FAM241A: variants seen among roughly 807,000 people sequenced by gnomAD.
The protein encoded by FAM241A is uncharacterized protein FAM241A.
Under a neutral mutation model 12.2 loss-of-function variants are expected in FAM241A, and 7 were observed. The ratio of observed to expected loss-of-function variants is 0.58; its 90% confidence interval spans 0.33 to 1.08. The LOEUF (loss-of-function observed/expected upper bound fraction) is 1.08, where lower values mean the gene tolerates loss of function less well. Among genes scored for constraint, FAM241A ranks in the 50% least tolerant of loss-of-function variants. The pLI is 0.04. For missense variants in FAM241A, 161 were observed against 169.7 expected (o/e 0.95, Z 0.29); for synonymous variants, 74 against 68.2 (o/e 1.08, Z -0.42).
intron 1 of FAM241A, among the ~76,000 whole-genome samples, chr4:112,163,922 T>C (rs1723535992): frequency 6.6e-6 from 1 of 152,248 alleles, no homozygotes. Flanking sequence ...CACCATGGAA[T>C]ACTATGCAGC....
rs565350827 is a variant in FAM241A, at chr4:112,159,192, G to T, written c.153+13459G>T. Among the ~76,000 whole-genome samples, 18 of 152,186 alleles carry T rather than the reference G, an allele frequency of 1.2e-4. 1 individual carries two copies. Among genetic ancestry groups the T allele is most frequent in the Admixed American group, 5.9e-4 (9 of 15,278 alleles). ...AATTACCTACTTGGCTGTGCCCCTC[G>T]GTTTGCTTTGACTCTTTAGTAGAGT... On this transcript the variant is annotated intron_variant, in intron 1 of 1. Transcript: ENST00000309733.
chr4:112,172,531 G>T (rs1723745402), intron 1 of FAM241A, among the ~76,000 whole-genome samples: 2 of 152,246 alleles, frequency 1.3e-5, no homozygotes, highest in African/African-American at 4.8e-5. Flanking sequence ...GCATTAGTGG[G>T]TTTTTTGCCA....
chr4:112,164,838 C>A (rs944816812), intron 1 of FAM241A, among the ~76,000 whole-genome samples: 5 of 152,178 alleles, frequency 3.3e-5, no homozygotes, highest in Non-Finnish European at 7.4e-5. Context: ...AGGCCAGGTG[C>A]CGTGGCTCAC....
rs1261324067 is a variant in FAM241A at position 112,189,897 on chromosome 4, CACCCT to C, written c.*2961_*2965del. ...GCCAGCTGTTAAACATACATCAGCA[CACCCT>C]AGAGGCCACATTCCCATTTCTATTC... On this transcript the variant is annotated 3_prime_UTR_variant, in exon 2 of 2. Transcript: ENST00000309733. The C allele has an allele frequency of 1.3e-5, 2 of 150,700 alleles. No individual in the cohort carries two copies. Among genetic ancestry groups the C allele is most frequent in the Admixed American group, 1.3e-4 (2 of 15,138 alleles). 9.3% of individuals were successfully genotyped at this position (150,700 alleles called of 1,614,324 possible). A position where few individuals can be genotyped will look rare whatever the true frequency, so the allele number is the denominator to read the frequency against.
At chr4:112,168,327 C>T (rs915277063) in intron 1 of FAM241A, among the ~76,000 whole-genome samples, 17 of 152,106 alleles carry the variant, frequency 1.1e-4, no homozygotes, top group African/African-American at 3.1e-4. Context: ...TTTTTCCCTA[C>T]TTAGTCCAAA....
At chr4:112,171,293 C>G in intron 1 of FAM241A, 3 of 754,404 alleles carry the variant, frequency 4.0e-6, no homozygotes, top group African/African-American at 1.7e-5. Context: ...TGACACAGTA[C>G]AAGAAGGGCA....
At position 112,145,514 on chromosome 4, in the gene FAM241A, G is replaced by A; in HGVS notation, c.-67G>A. 2 of 1,196,254 alleles carry A rather than the reference G, an allele frequency of 1.7e-6. No homozygotes were observed. The highest frequency in any genetic ancestry group is 2.1e-6 in the Non-Finnish European group (2 of 962,366). 74.1% of individuals were successfully genotyped at this position (1,196,254 alleles called of 1,614,324 possible). On this transcript the variant is annotated 5_prime_UTR_variant, in exon 1 of 2. Transcript: ENST00000309733. ...ATCCCAGGGCAGCCTTCGGGCGGCG[G>A]CGCTGCCTGGTGCGTCGCGGCGTGG...
At chr4:112,151,161 T>A (rs1355958293) in intron 1 of FAM241A, among the ~76,000 whole-genome samples, 2 of 152,148 alleles carry the variant, frequency 1.3e-5, no homozygotes, top group Non-Finnish European at 2.9e-5. Flanking sequence ...GGCTTAGTGC[T>A]ATGCCTTTGG....
At chr4:112,184,476 C>T (rs1209596064) in intron 1 of FAM241A, among the ~76,000 whole-genome samples, 2 of 151,882 alleles carry the variant, frequency 1.3e-5, no homozygotes, top group Non-Finnish European at 2.9e-5. Flanking sequence ...TGCAGTGAGC[C>T]GAGATTGTGC....
chr4:112,187,115 G>T lies in FAM241A; in HGVS notation c.*177G>T. On this transcript the variant is annotated 3_prime_UTR_variant, in exon 2 of 2. Coordinates refer to ENST00000309733, the MANE Select transcript of FAM241A (RefSeq NM_152400.3). ...AAAACTAAACTCTTGATCATAACAG[G>T]GTTGAATATATATTTTGAATATACA... 2 of 644,518 alleles carry T rather than the reference G, an allele frequency of 3.1e-6. No individual in the cohort carries two copies. The highest frequency in any genetic ancestry group is 5.3e-6 in the Non-Finnish European group (2 of 378,788). 39.9% of individuals were successfully genotyped at this position (644,518 alleles called of 1,614,324 possible).
At chr4:112,176,265 A>G (rs1425319264) in intron 1 of FAM241A, among the ~76,000 whole-genome samples, 3 of 152,242 alleles carry the variant, frequency 2.0e-5, no homozygotes, top group South Asian at 4.1e-4. Flanking sequence ...GCAGCATGGT[A>G]CAATAGAGAA....
At chr4:112,178,403 C>T (rs1348291894) in intron 1 of FAM241A, among the ~76,000 whole-genome samples, 2 of 152,152 alleles carry the variant, frequency 1.3e-5, no homozygotes, top group Non-Finnish European at 1.5e-5. Flanking sequence ...GATCCAGTTT[C>T]ATTCTTCTGC....
Position 112,189,544 on chromosome 4 carries a change from G to GA in FAM241A, c.*2606_*2607insA, listed in dbSNP as rs1724121959. ...ATGGCCAGTAATTCAAAAGAAAAAGGTCGAAGTCTACAAATAAACAGACTG... is the reference window on the plus strand; with the variant it reads ...ATGGCCAGTAATTCAAAAGAAAAAGGATCGAAGTCTACAAATAAACAGACTG... On this transcript the variant is annotated 3_prime_UTR_variant, in exon 2 of 2. Coordinates refer to ENST00000309733, the MANE Select transcript of FAM241A (RefSeq NM_152400.3). 1 of 152,070 alleles carries GA rather than the reference G, an allele frequency of 6.6e-6. No individual in the cohort carries two copies. Among genetic ancestry groups the GA allele is most frequent in the Non-Finnish European group, 1.5e-5 (1 of 68,010 alleles). The allele number at this position is 152,070 out of a possible 1,614,324, so 9.4% of individuals were successfully genotyped here.
chr4:112,152,980 T>C (rs1040250661), intron 1 of FAM241A, among the ~76,000 whole-genome samples: 1 of 152,198 alleles, frequency 6.6e-6, no homozygotes, highest in Non-Finnish European at 1.5e-5. Flanking sequence ...TCCCTCACCT[T>C]TTCTATTTTT....
At position 112,186,915 on chromosome 4, in the gene FAM241A, G is replaced by C; in HGVS notation, c.376G>C (p.Val126Leu). The part of the protein sequence containing the change: ...ALGLVAVLCL[V>L]IIYVQQ Reference sequence around the variant, plus strand: ...TGGACTAGTTGCTGTTCTTTGCCTTGTTATTATTTATGTGCAACAGTAAAA... The same window carrying C: ...TGGACTAGTTGCTGTTCTTTGCCTTCTTATTATTTATGTGCAACAGTAAAA... The change falls in exon 2 of 2, where the codon GTT (valine) becomes CTT (leucine). Residue 126 changes from valine (V) to leucine (L), a missense_variant. Transcript: ENST00000309733. The C allele has an allele frequency of 5.0e-6, 8 of 1,613,536 alleles. No homozygotes were observed. Among genetic ancestry groups the C allele is most frequent in the Non-Finnish European group, 6.8e-6 (8 of 1,179,730 alleles).
intron 1 of FAM241A, among the ~76,000 whole-genome samples, chr4:112,166,046 A>AT (rs34666622): frequency 0.1 from 14,425 of 137,598 alleles, 1,059 homozygotes; most frequent in African/African-American, 0.19. Context: ...TGTACTCAGA[A>AT]TTTTTTTTTT....
intron 1 of FAM241A, among the ~76,000 whole-genome samples, chr4:112,177,993 A>C (rs1281513118): frequency 6.6e-6 from 1 of 152,110 alleles, no homozygotes; most frequent in Non-Finnish European, 1.5e-5. Flanking sequence ...TTGTTCCTTC[A>C]GCAAATACTT....
At chr4:112,181,008 C>T (rs1560585739) in intron 1 of FAM241A, among the ~76,000 whole-genome samples, 1 of 152,004 alleles carries the variant, frequency 6.6e-6, no homozygotes, top group East Asian at 1.9e-4. Flanking sequence ...CAAAGTTGAC[C>T]CAGAAGAGCT....
intron 1 of FAM241A, among the ~76,000 whole-genome samples, chr4:112,158,797 G>C (rs1317729556): frequency 1.3e-5 from 2 of 151,994 alleles, no homozygotes; most frequent in East Asian, 3.8e-4. Context: ...AGTGTATTTA[G>C]GATATCCATC....
Sources: allele counts gnomAD v4.1 joint callset (sites outside exome capture counted in the v4.1 genomes callset), GRCh38; gene constraint gnomAD v4.1.1; transcripts MANE v1.5; gene names NCBI Gene and HGNC (gene_info 2026-07-23, HGNC 2026-07-21).